The following ERCC8 variants were observed in gnomAD, a reference collection of about 807,000 sequenced individuals.
ERCC8 encodes the protein ERCC excision repair 8, CSA ubiquitin ligase complex subunit, also known as DNA excision repair protein ERCC-8.
ERCC8 carries 52 observed loss-of-function variants against 54.9 expected under a neutral mutation model. The ratio of observed to expected loss-of-function variants is 0.95; its 90% confidence interval spans 0.76 to 1.19. The LOEUF is 1.19. Among genes scored for constraint, ERCC8 ranks in the 50% most tolerant of loss-of-function variants. The probability of loss-of-function intolerance (pLI) is 0.00; values close to 1 mark genes in which losing one functional copy is unlikely to be tolerated. For synonymous variants in ERCC8, 146 were observed against 157.2 expected (o/e 0.93, Z 0.53); for missense variants, 514 against 466.1 (o/e 1.10, Z -0.95).
intron 11 of ERCC8, among the ~76,000 whole-genome samples, chr5:60,881,521 C>T (rs1458125310): frequency 1.3e-5 from 2 of 152,204 alleles, no homozygotes; most frequent in African/African-American, 4.8e-5. Flanking sequence ...GTTTGATCTT[C>T]CCAGCCGCTT....
chr5:60,939,761 G>A (rs1344358528), intron 1 of ERCC8, among the ~76,000 whole-genome samples: 2 of 152,174 alleles, frequency 1.3e-5, no homozygotes, highest in East Asian at 3.9e-4. Context: ...CTCCCAAAGT[G>A]CTGGGATTAC....
chr5:60,944,402 C>A (rs550898758), intron 1 of ERCC8, among the ~76,000 whole-genome samples: 61 of 152,260 alleles, frequency 4.0e-4, no homozygotes, highest in African/African-American at 1.4e-3. Context: ...CATCTTCACA[C>A]CTCTACTCAA....
At chr5:60,887,017 T>A (rs1451226021) in intron 11 of ERCC8, among the ~76,000 whole-genome samples, 1 of 152,172 alleles carries the variant, frequency 6.6e-6, no homozygotes, top group African/African-American at 2.4e-5. Flanking sequence ...AAAAGTGAGA[T>A]ACCAAGTTGA....
At position 60,938,514 on chromosome 5, in the gene ERCC8, C is replaced by A. The variant is rs550717343; in HGVS notation, c.77+6418G>T. Among the ~76,000 whole-genome samples the A allele has an allele frequency of 7.9e-5, 12 of 151,980 alleles. No individual in the cohort carries two copies. The South Asian group carries it at 2.1e-3, about 26-fold the overall frequency. On this transcript the variant is annotated intron_variant, in intron 1 of 11. Transcript: ENST00000676185. ...GATTACAGGCGTGTGCCACCACACC[C>A]GGCTAATTTTTGTATTTTTAGTAGA...
chr5:60,907,821 T>G (rs1462697174), intron 4 of ERCC8, among the ~76,000 whole-genome samples: 3 of 152,240 alleles, frequency 2.0e-5, no homozygotes, highest in Non-Finnish European at 2.9e-5. Flanking sequence ...ATCCAAACTT[T>G]GGCTATCTCT....
intron 2 of ERCC8, among the ~76,000 whole-genome samples, chr5:60,923,788 C>T (rs1424922845): frequency 1.3e-5 from 2 of 152,042 alleles, no homozygotes; most frequent in Non-Finnish European, 2.9e-5. Flanking sequence ...ATCCCAATTA[C>T]AAATATACAT....
intron 8 of ERCC8, 149 bp from the exon 9 acceptor site, chr5:60,898,549 T>C (rs1163056285): frequency 2.4e-6 from 2 of 835,376 alleles, no homozygotes; most frequent in East Asian, 5.4e-5. Flanking sequence ...TTCAGATTAT[T>C]TGAATAGGAT....
chr5:60,920,004 T>C (rs968072808), intron 3 of ERCC8, among the ~76,000 whole-genome samples: 21 of 151,982 alleles, frequency 1.4e-4, no homozygotes, highest in African/African-American at 4.8e-4. Context: ...TTACTGAAAA[T>C]AAGAGCTCTA....
At chr5:60,890,155 CA>C (rs936770109) in intron 10 of ERCC8, among the ~76,000 whole-genome samples, 40 of 152,202 alleles carry the variant, frequency 2.6e-4, no homozygotes, top group African/African-American at 9.4e-4. Context: ...ACAAATTAGG[CA>C]ATCAGTATTA....
chr5:60,894,446 G>A (rs1748664861), intron 9 of ERCC8, among the ~76,000 whole-genome samples: 1 of 152,112 alleles, frequency 6.6e-6, no homozygotes, highest in South Asian at 2.1e-4. Flanking sequence ...TGAAAATTAT[G>A]CAGAAAACAG....
intron 11 of ERCC8, among the ~76,000 whole-genome samples, chr5:60,880,502 C>T (rs1187418126): frequency 1.3e-5 from 2 of 152,174 alleles, no homozygotes; most frequent in East Asian, 1.9e-4. Context: ...TCAGGTACAC[C>T]AATCAGATGT....
chr5:60,882,787 C>T (rs773402310), intron 11 of ERCC8, among the ~76,000 whole-genome samples: 52 of 152,318 alleles, frequency 3.4e-4, no homozygotes, highest in Non-Finnish European at 7.2e-4. Context: ...TTTTGTCTTT[C>T]ATCCAAATGT....
intron 1 of ERCC8, among the ~76,000 whole-genome samples, chr5:60,929,836 C>G (rs1749855670): frequency 6.6e-6 from 1 of 151,564 alleles, no homozygotes; most frequent in South Asian, 2.1e-4. Context: ...ATTTGAATCT[C>G]TCTTAATCTG....
intron 11 of ERCC8, among the ~76,000 whole-genome samples, chr5:60,881,911 C>T (rs1224434690): frequency 6.6e-6 from 1 of 152,204 alleles, no homozygotes; most frequent in Non-Finnish European, 1.5e-5. Flanking sequence ...AACCTGGTAC[C>T]TCAGTTGGAA....
In ERCC8 at chr5:60,903,714, C is replaced by G; in HGVS notation, c.484G>C (p.Gly162Arg). ...VSTKHCLVAV[G>R]TRGPKVQLCD... ...AGTTGTACTTTGGGTCCTCTAGTAC[C>G]AACTGTAAAAACAGAACCGGTTTAA... is the stretch of plus-strand genomic sequence containing the variant. The change falls in exon 6 of 12, where the codon GGT (glycine) becomes CGT (arginine). Residue 162 changes from glycine to arginine, a missense_variant and splice_region_variant. Coordinates refer to ENST00000676185, the MANE Select transcript of ERCC8 (RefSeq NM_000082.4). 1 of 1,612,198 alleles carries G rather than the reference C, an allele frequency of 6.2e-7. No individual in the cohort carries two copies. Among genetic ancestry groups the G allele is most frequent in the Non-Finnish European group, 8.5e-7 (1 of 1,179,014 alleles).
At chr5:60,944,091 A>G (rs1750349801) in intron 1 of ERCC8, among the ~76,000 whole-genome samples, 1 of 152,222 alleles carries the variant, frequency 6.6e-6, no homozygotes, top group African/African-American at 2.4e-5. Context: ...CTCTCAGAGT[A>G]TATTACCAAC....
chr5:60,872,902 G>A lies in ERCC8; in HGVS notation c.*1713C>T, dbSNP rs934201664. ...GCATTATTCACAATAGCCAGGATAT[G>A]GTATCAACCTAAGCATCTGTCAATG... On this transcript the variant is annotated 3_prime_UTR_variant, in exon 12 of 12. Transcript: ENST00000676185. Among the ~76,000 whole-genome samples the A allele has an allele frequency of 2.0e-5, 3 of 152,150 alleles. No individual in the cohort carries two copies. The highest frequency in any genetic ancestry group is 7.2e-5 in the African/African-American group (3 of 41,434).
chr5:60,916,310 T>C (rs1263112894), intron 4 of ERCC8, among the ~76,000 whole-genome samples: 1 of 152,080 alleles, frequency 6.6e-6, no homozygotes, highest in Admixed American at 6.6e-5. Context: ...TCTTAGAAGC[T>C]ATCCAATGCC....
intron 3 of ERCC8, among the ~76,000 whole-genome samples, chr5:60,921,626 A>G (rs531019884): frequency 1.3e-5 from 2 of 152,012 alleles, no homozygotes; most frequent in South Asian, 4.1e-4. Context: ...TGGTGAGGGA[A>G]TACCAATATG....
Sources: allele counts gnomAD v4.1 joint callset (sites outside exome capture counted in the v4.1 genomes callset), GRCh38; gene constraint gnomAD v4.1.1; transcripts MANE v1.5; gene names NCBI Gene and HGNC (gene_info 2026-07-23, HGNC 2026-07-21).